Variants in GLT1D1 observed in about 807,000 individuals in gnomAD.
GLT1D1 encodes glycosyltransferase 1 domain containing 1, also known as glycosyltransferase 1 domain-containing protein 1.
Under a neutral mutation model 28.7 loss-of-function variants are expected in GLT1D1, and 21 were observed. The observed-to-expected ratio is 0.73, with a 90% CI of 0.52 to 1.05. GLT1D1 has a LOEUF of 1.05. Ranked by LOEUF, GLT1D1 falls within the 50% of genes least tolerant of loss-of-function variation. The pLI is 0.00. For synonymous variants in GLT1D1, 147 were observed against 124.8 expected, an observed-to-expected ratio of 1.18 and a Z score of -1.19; for missense variants, 343 against 330.6, an observed-to-expected ratio of 1.04 and a Z score of -0.29.
chr12:128,966,960 TAAG>T (rs1192503195), intron 7 of GLT1D1, among the ~76,000 whole-genome samples: 1 of 152,228 alleles, frequency 6.6e-6, no homozygotes, highest in Admixed American at 6.5e-5. Flanking sequence ...TTTCTCCTTT[TAAG>T]AAGTAGAAAA....
chr12:128,980,158 C>T (rs749759475), intron 7 of GLT1D1, among the ~76,000 whole-genome samples: 31 of 152,330 alleles, frequency 2.0e-4, no homozygotes, highest in African/African-American at 7.2e-4. Flanking sequence ...GGAGCCACAT[C>T]CCGGGACCTT....
rs61169176 is a variant in GLT1D1, at chr12:128,973,179, G to GTTTTTTTTTTTTTTTTTTTT, written c.640-9742_640-9723dup. 3.8e-3 allele frequency among the ~76,000 whole-genome samples: 194 copies of GTTTTTTTTTTTTTTTTTTTT among 50,988 alleles called. 30 individuals carry two copies. The highest frequency in any genetic ancestry group is 6.3e-3 in the Non-Finnish European group (156 of 24,890). The allele number at this position is 50,988 out of a possible 152,430, so 33.5% of individuals were successfully genotyped here. A position where few individuals can be genotyped will look rare whatever the true frequency, so the allele number is the denominator to read the frequency against. On this transcript the variant is annotated intron_variant, in intron 7 of 7. Transcript: ENST00000281703. ...CTTTTCTGTTTTGTTTGTTTGCTTG[G>GTTTTTTTTTTTTTTTTTTTT]TTTTTTTTTTTTTTTTTTTTTTTTT...
chr12:128,937,738 C>T (rs939537022), intron 4 of GLT1D1, among the ~76,000 whole-genome samples: 10 of 152,068 alleles, frequency 6.6e-5, no homozygotes, highest in South Asian at 2.1e-4. Flanking sequence ...AGTAAGTTCT[C>T]GGGATCTGAT....
At chr12:128,921,006 A>G (rs528197596) in intron 4 of GLT1D1, among the ~76,000 whole-genome samples, 2 of 152,302 alleles carry the variant, frequency 1.3e-5, no homozygotes, top group African/African-American at 4.8e-5. Flanking sequence ...ACCACCTTAA[A>G]GCTGTCAGGG....
chr12:128,897,946 T>C (rs1042074585), intron 3 of GLT1D1, among the ~76,000 whole-genome samples: 4 of 152,182 alleles, frequency 2.6e-5, no homozygotes, highest in African/African-American at 4.8e-5. Flanking sequence ...GGATTACAGG[T>C]GTGAGCCACC....
chr12:128,982,458 A>G (rs1880409518), intron 7 of GLT1D1, among the ~76,000 whole-genome samples: 1 of 152,212 alleles, frequency 6.6e-6, no homozygotes, highest in South Asian at 2.1e-4. Flanking sequence ...CCCAGGGAAG[A>G]GGACAGAACA....
rs548377175 is a variant in GLT1D1 at position 128,964,552 on chromosome 12, A to G, written c.639+6909A>G. 9.2e-5 allele frequency among the ~76,000 whole-genome samples: 14 copies of G among 152,318 alleles called. No individual in the cohort carries two copies. In the South Asian group the frequency reaches 2.7e-3, roughly 29 times the overall value. Reference sequence around the variant, plus strand: ...GTCAAATGTTCACCCTGTGATGGACATGGTTCCCTCTGCTTTACATGGATG... The same window carrying G: ...GTCAAATGTTCACCCTGTGATGGACGTGGTTCCCTCTGCTTTACATGGATG... On this transcript the variant is annotated intron_variant, in intron 7 of 7. Transcript: ENST00000281703.
chr12:128,879,435 TTTC>T, intron 2 of GLT1D1, among the ~76,000 whole-genome samples: 1 of 120,362 alleles, frequency 8.3e-6, no homozygotes, highest in East Asian at 2.5e-4. Flanking sequence ...TCTTTCTTTC[TTTC>T]TTTCTTTCTT....
intron 4 of GLT1D1, among the ~76,000 whole-genome samples, chr12:128,931,917 G>GCACGCGCACACACACACACACACACACA (rs1368012620): frequency 5.0e-5 from 7 of 141,002 alleles, no homozygotes; most frequent in Non-Finnish European, 1.1e-4. Flanking sequence ...ACACACGCAC[G>GCACGCGCACACACACACACACACACACA]CACACACACA....
At chr12:128,895,924 G>A (rs1280151122) in intron 3 of GLT1D1, among the ~76,000 whole-genome samples, 1 of 152,144 alleles carries the variant, frequency 6.6e-6, no homozygotes, top group Non-Finnish European at 1.5e-5. Flanking sequence ...GAAACGGAAT[G>A]GTATGGTGGA....
chr12:128,860,267 C>G (rs1272385818), intron 1 of GLT1D1, among the ~76,000 whole-genome samples: 1 of 152,216 alleles, frequency 6.6e-6, no homozygotes. Flanking sequence ...TCAAGACCAG[C>G]CTGGCCAACA....
chr12:128,947,458 G>T lies in GLT1D1; in HGVS notation c.540G>T (p.Glu180Asp). 1.2e-6 allele frequency: 2 copies of T among 1,614,112 alleles called. No homozygotes were observed. Among genetic ancestry groups the T allele is most frequent in the Non-Finnish European group, 1.7e-6 (2 of 1,180,014 alleles). Residue 180 changes from glutamate to aspartate, a missense_variant and splice_region_variant, in exon 6 of 8, where the codon GAG becomes GAT. Transcript: ENST00000281703. ...AAGGCATGTCAGCTGCAATTTTGGA[G>T]GTAATTATGTAACTCGAGTACTGAA... is the stretch of plus-strand genomic sequence containing the variant.
At chr12:128,856,386 A>G (rs1566075874) in intron 1 of GLT1D1, among the ~76,000 whole-genome samples, 1 of 152,102 alleles carries the variant, frequency 6.6e-6, no homozygotes, top group Non-Finnish European at 1.5e-5. Context: ...TCTTAACCTC[A>G]TTTTACCCAG....
rs997170094 is a variant in GLT1D1, at chr12:128,946,768, C to T, written c.420-570C>T. Among the ~76,000 whole-genome samples, 12 of 150,712 alleles carry T rather than the reference C, an allele frequency of 8.0e-5. No individual in the cohort carries two copies. In the Admixed American group the frequency reaches 8.0e-4, roughly 10 times the overall value. On this transcript the variant is annotated intron_variant, in intron 5 of 7. Transcript: ENST00000281703. ...GGTTCGAGCAATTCTCCTGCCTCAG[C>T]CTCCCAAGTAGCTGGGATTACAGGT...
rs772920154 is a variant in GLT1D1, at chr12:128,983,276, A to T, written c.*186A>T. The T allele has an allele frequency of 1.7e-6, 1 of 582,494 alleles. No homozygotes were observed. The highest frequency in any genetic ancestry group is 3.0e-6 in the Non-Finnish European group (1 of 328,826). The allele number at this position is 582,494 out of a possible 1,614,324, so 36.1% of individuals were successfully genotyped here. Reference sequence around the variant, plus strand: ...ATCCCATATCCTTCTGTGCGTTCAGATGCTGTCCCAGGCGTGTTCACCAGC... The same window carrying T: ...ATCCCATATCCTTCTGTGCGTTCAGTTGCTGTCCCAGGCGTGTTCACCAGC... On this transcript the variant is annotated 3_prime_UTR_variant, in exon 8 of 8. Coordinates refer to ENST00000281703, the MANE Select transcript of GLT1D1 (RefSeq NM_144669.3). The surrounding 1 kb of genome is among the most constrained non-coding windows in gnomAD (Gnocchi z 4.7).
intron 4 of GLT1D1, among the ~76,000 whole-genome samples, chr12:128,930,742 A>G (rs1160563202): frequency 6.6e-6 from 1 of 152,128 alleles, no homozygotes; most frequent in African/African-American, 2.4e-5. Flanking sequence ...CAGAGAAGTA[A>G]AGACTCTGGG....
At chr12:128,918,691 T>C (rs906964067) in intron 4 of GLT1D1, among the ~76,000 whole-genome samples, 2 of 152,238 alleles carry the variant, frequency 1.3e-5, no homozygotes, top group Admixed American at 6.5e-5. Flanking sequence ...GTCAGTTACA[T>C]GTACCATTAT....
At chr12:128,881,223 C>CA (rs35871795) in intron 2 of GLT1D1, among the ~76,000 whole-genome samples, 11,354 of 73,198 alleles carry the variant, frequency 0.16, 1,074 homozygotes, top group East Asian at 0.25. Flanking sequence ...GACTCCGTTT[C>CA]AAAAAAAAAA....
At chr12:128,853,923 C>T (rs1382162126) in intron 1 of GLT1D1, among the ~76,000 whole-genome samples, 1 of 152,150 alleles carries the variant, frequency 6.6e-6, no homozygotes, top group Non-Finnish European at 1.5e-5. Context: ...GGCCCGGAGC[C>T]TGTCGTGGAG....
Sources: gnomAD v4.1 joint callset for allele counts (sites outside exome capture counted in the v4.1 genomes callset) on GRCh38, gnomAD v4.1.1 for gene constraint, Gnocchi (gnomAD v3.1) non-coding constraint, MANE v1.5 for transcripts, NCBI Gene and HGNC (gene_info 2026-07-23, HGNC 2026-07-21) for gene names.